The following COL4A4 variants were observed in gnomAD, a reference collection of about 807,000 sequenced individuals.
COL4A4 encodes collagen alpha-4(IV) chain.
In COL4A4, 105 loss-of-function variants were observed where a neutral mutation model predicts 192.9. The observed-to-expected ratio is 0.54, with a 90% CI of 0.46 to 0.64. The LOEUF is 0.64. Ranked by LOEUF, COL4A4 falls within the 30% of genes least tolerant of loss-of-function variation. The pLI, the probability that COL4A4 is intolerant of heterozygous loss-of-function variation, is 0.00. For missense variants in COL4A4, 1,967 were observed against 2,169.3 expected, an observed-to-expected ratio of 0.91 and a Z score of 1.85; for synonymous variants, 762 against 769.9, an observed-to-expected ratio of 0.99 and a Z score of 0.17.
At chr2:227,122,896 ACT>A (rs2061876950) in intron 4 of COL4A4, among the ~76,000 whole-genome samples, 2 of 151,798 alleles carry the variant, frequency 1.3e-5, no homozygotes, top group South Asian at 2.1e-4. Context: ...ACAGGGTCTC[ACT>A]CTGTTTCCCA....
chr2:227,041,881 A>AGAAG (rs1224577205), intron 37 of COL4A4, among the ~76,000 whole-genome samples: 1 of 147,852 alleles, frequency 6.8e-6, no homozygotes, highest in Non-Finnish European at 1.5e-5. Flanking sequence ...AAAGAAAGAA[A>AGAAG]GAAAGAAAGA....
intron 1 of COL4A4, among the ~76,000 whole-genome samples, chr2:227,160,584 T>C (rs2064747316): frequency 6.6e-6 from 1 of 152,110 alleles, no homozygotes; most frequent in Non-Finnish European, 1.5e-5. Flanking sequence ...CCGTGATGAA[T>C]ATGTAGTAGA....
At chr2:227,156,210 G>C (rs1037966245) in intron 1 of COL4A4, among the ~76,000 whole-genome samples, 7 of 151,970 alleles carry the variant, frequency 4.6e-5, no homozygotes, top group Non-Finnish European at 1.0e-4. Context: ...ACCAGCCTGG[G>C]CAACATGATG....
the COL4A4 span, among the ~76,000 whole-genome samples, chr2:226,991,607 T>C: frequency 6.6e-6 from 1 of 152,364 alleles, no homozygotes; most frequent in Admixed American, 6.5e-5. Context: ...TTTACTGTCA[T>C]GTGGCACTCA....
the COL4A4 span, chr2:226,995,507 A>G: frequency 1.2e-6 from 2 of 1,610,940 alleles, no homozygotes; most frequent in Non-Finnish European, 1.7e-6. Flanking sequence ...GGCTTCACAG[A>G]TTCGATAGCC....
chr2:227,125,312 A>T (rs1283829775), intron 4 of COL4A4, among the ~76,000 whole-genome samples: 1 of 151,284 alleles, frequency 6.6e-6, no homozygotes, highest in Non-Finnish European at 1.5e-5. Context: ...GATTCAAGCG[A>T]TTCTACTGCC....
At chr2:226,990,022 TC>T in the COL4A4 span, among the ~76,000 whole-genome samples, 3 of 152,332 alleles carry the variant, frequency 2.0e-5, no homozygotes, top group East Asian at 5.8e-4. Flanking sequence ...ATATTACCTT[TC>T]TCGTAAACCA....
the COL4A4 span, among the ~76,000 whole-genome samples, chr2:226,975,715 A>G: frequency 6.6e-6 from 1 of 152,210 alleles, no homozygotes; most frequent in Admixed American, 6.5e-5. Flanking sequence ...TTCGACAATG[A>G]TTTGTACATA....
chr2:227,145,769 G>A (rs1255308732), intron 2 of COL4A4, among the ~76,000 whole-genome samples: 1 of 152,210 alleles, frequency 6.6e-6, no homozygotes, highest in Non-Finnish European at 1.5e-5. Flanking sequence ...TTACAGGGCT[G>A]TGGATCTGGG....
At chr2:226,980,786 C>G in the COL4A4 span, among the ~76,000 whole-genome samples, 9 of 152,224 alleles carry the variant, frequency 5.9e-5, no homozygotes, top group East Asian at 1.7e-3. Context: ...ATTCTAGGTT[C>G]CTAACTTGGG....
chr2:227,050,189 C>T (rs1973777561), intron 33 of COL4A4, 58 bp from the exon 34 acceptor site: 1 of 1,441,498 alleles, frequency 6.9e-7, no homozygotes, highest in African/African-American at 1.4e-5. Context: ...ATGGCACATG[C>T]ACAACACGAT....
At chr2:227,075,741 C>A (rs947537153) in intron 25 of COL4A4, among the ~76,000 whole-genome samples, 1 of 152,116 alleles carries the variant, frequency 6.6e-6, no homozygotes. Flanking sequence ...TAGAAAATCC[C>A]ATCGTCTCAG....
chr2:227,065,855 A>G (rs1039716467), intron 25 of COL4A4, among the ~76,000 whole-genome samples: 1 of 152,264 alleles, frequency 6.6e-6, no homozygotes, highest in African/African-American at 2.4e-5. Context: ...CTCGCCAGCA[A>G]TGGAACAAAG....
At chr2:227,121,399 T>C (rs1327012634) in intron 4 of COL4A4, among the ~76,000 whole-genome samples, 2 of 151,652 alleles carry the variant, frequency 1.3e-5, no homozygotes, top group Non-Finnish European at 2.9e-5. Flanking sequence ...CCCCCATCTC[T>C]ACAGAAAATA....
chr2:227,084,573 C>T (rs149783450), intron 22 of COL4A4, among the ~76,000 whole-genome samples: 1 of 152,222 alleles, frequency 6.6e-6, no homozygotes, highest in African/African-American at 2.4e-5. Flanking sequence ...CATTACTGAA[C>T]CATTACTAAA....
chr2:227,023,111 C>G (rs944515707), intron 43 of COL4A4, among the ~76,000 whole-genome samples: 1 of 151,924 alleles, frequency 6.6e-6, no homozygotes, highest in Non-Finnish European at 1.5e-5. Context: ...AACATGTTCC[C>G]AGGGAGGCTG....
At chr2:227,113,724 TAAG>T (rs2061345942) in intron 8 of COL4A4, among the ~76,000 whole-genome samples, 1 of 152,210 alleles carries the variant, frequency 6.6e-6, no homozygotes, top group African/African-American at 2.4e-5. Flanking sequence ...TCTTGCTGTT[TAAG>T]AAGGACAAAT....
chr2:227,043,328 G>C lies in COL4A4; in HGVS notation c.3290-144C>G, dbSNP rs1469640363. 5 of 742,604 alleles carry C rather than the reference G, an allele frequency of 6.7e-6. No homozygotes were observed. In the African/African-American group the frequency reaches 8.7e-5, roughly 13 times the overall value. 46.0% of individuals were successfully genotyped at this position (742,604 alleles called of 1,614,324 possible). ...TATTGGAAAGGAAAATAACGTTAAGGAAAAACTGATAACAAAATGCCCATA... is the reference window on the plus strand; with the variant it reads ...TATTGGAAAGGAAAATAACGTTAAGCAAAAACTGATAACAAAATGCCCATA... On this transcript the variant is annotated intron_variant, in intron 35 of 47. Transcript: ENST00000396625.
At chr2:227,094,068 A>G in intron 20 of COL4A4, 57 bp downstream of exon 20, 1 of 1,455,444 alleles carries the variant, frequency 6.9e-7, no homozygotes, top group Non-Finnish European at 9.6e-7. Flanking sequence ...TCTTAGTGGC[A>G]CTGCAAATAT....
Sources: gnomAD v4.1 joint callset for allele counts (sites outside exome capture counted in the v4.1 genomes callset) on GRCh38, gnomAD v4.1.1 for gene constraint, MANE v1.5 for transcripts, NCBI Gene and HGNC (gene_info 2026-07-23, HGNC 2026-07-21) for gene names.